The following RPS6KC1 variants were observed in gnomAD, a reference collection of about 807,000 sequenced individuals.
RPS6KC1 encodes the protein inactive ribosomal protein S6 kinase delta-1.
RPS6KC1 carries 54 observed loss-of-function variants against 103.8 expected under a neutral mutation model. The ratio of observed to expected loss-of-function variants is 0.52; its 90% CI spans 0.42 to 0.65. The LOEUF (loss-of-function observed/expected upper bound fraction) is 0.65, where lower values mean the gene tolerates loss of function less well. Ranked by LOEUF, RPS6KC1 falls within the 30% of genes least tolerant of loss-of-function variation. RPS6KC1 has a pLI of 0.00. For missense variants in RPS6KC1, 1,151 were observed against 1,253.8 expected (o/e 0.92, Z 1.24); for synonymous variants, 439 against 438.7 (o/e 1.00, Z -0.01).
chr1:213,332,885 G>T, the RPS6KC1 span, among the ~76,000 whole-genome samples: 1 of 152,114 alleles, frequency 6.6e-6, no homozygotes, highest in Non-Finnish European at 1.5e-5. Flanking sequence ...TCTAACCATG[G>T]CATGGTTAGG....
At chr1:213,444,864 C>A in the RPS6KC1 span, among the ~76,000 whole-genome samples, 1 of 152,020 alleles carries the variant, frequency 6.6e-6, no homozygotes, top group African/African-American at 2.4e-5. Flanking sequence ...ATATAATTCA[C>A]ATACCATAAA....
the RPS6KC1 span, among the ~76,000 whole-genome samples, chr1:213,350,245 C>T: frequency 6.6e-6 from 1 of 152,184 alleles, no homozygotes; most frequent in African/African-American, 2.4e-5. Context: ...GGATGGAAAG[C>T]AAATGAGAGA....
chr1:213,186,491 CTTG>C (rs1319814920), intron 8 of RPS6KC1, among the ~76,000 whole-genome samples: 2 of 152,018 alleles, frequency 1.3e-5, no homozygotes, highest in East Asian at 1.9e-4. Flanking sequence ...CTTCTTTTCT[CTTG>C]TTGTTTTTAG....
chr1:213,587,076 T>A, the RPS6KC1 span, among the ~76,000 whole-genome samples: 1 of 152,204 alleles, frequency 6.6e-6, no homozygotes, highest in East Asian at 1.9e-4. Flanking sequence ...ATTCCGCACC[T>A]TTCACCCATG....
At chr1:213,103,427 T>C (rs556970104) in intron 3 of RPS6KC1, among the ~76,000 whole-genome samples, 21 of 152,322 alleles carry the variant, frequency 1.4e-4, no homozygotes, top group African/African-American at 4.8e-4. Flanking sequence ...ATCCATTTCC[T>C]ACATTTTAAA....
At chr1:213,136,166 C>T (rs1210985235) in intron 6 of RPS6KC1, among the ~76,000 whole-genome samples, 1 of 152,132 alleles carries the variant, frequency 6.6e-6, no homozygotes, top group Non-Finnish European at 1.5e-5. Context: ...TTGATTTTAT[C>T]TTCATGGCAT....
intron 10 of RPS6KC1, among the ~76,000 whole-genome samples, chr1:213,232,480 C>G (rs2094127020): frequency 6.6e-6 from 1 of 152,164 alleles, no homozygotes. Flanking sequence ...ATTTACTTCA[C>G]TACTTACTTT....
chr1:213,476,178 ATCC>A, the RPS6KC1 span, among the ~76,000 whole-genome samples: 3 of 152,182 alleles, frequency 2.0e-5, no homozygotes, highest in Non-Finnish European at 4.4e-5. Flanking sequence ...AACCTCAGGC[ATCC>A]TCCTTGGAGG....
chr1:213,242,759 A>G lies in RPS6KC1; in HGVS notation c.2911+101A>G, dbSNP rs1017823718. On this transcript the variant is annotated intron_variant, in intron 12 of 14. Transcript: ENST00000366960. Reference sequence around the variant, plus strand: ...TTTGTATTGTTCACTAGCAGTTTACATATGTGTTGGATTTGGTTATCTGTT... The same window carrying G: ...TTTGTATTGTTCACTAGCAGTTTACGTATGTGTTGGATTTGGTTATCTGTT... 24 of 903,030 alleles carry G rather than the reference A, an allele frequency of 2.7e-5. No individual in the cohort carries two copies. The African/African-American group carries it at 3.2e-4, about 12-fold the overall frequency. The allele number at this position is 903,030 out of a possible 1,614,324, so 55.9% of individuals were successfully genotyped here. A position where few individuals can be genotyped will look rare whatever the true frequency, so the allele number is the denominator to read the frequency against.
the RPS6KC1 span, among the ~76,000 whole-genome samples, chr1:213,486,942 A>G: frequency 6.6e-6 from 1 of 152,250 alleles, no homozygotes; most frequent in East Asian, 1.9e-4. Context: ...GTTCTAAGGT[A>G]TAATAGAACA....
At chr1:213,467,670 G>T in the RPS6KC1 span, among the ~76,000 whole-genome samples, 2 of 152,176 alleles carry the variant, frequency 1.3e-5, no homozygotes, top group Non-Finnish European at 2.9e-5. Flanking sequence ...GGTAGGATCT[G>T]CTCCCTTCAG....
chr1:213,166,635 A>G (rs1487091000), intron 6 of RPS6KC1, among the ~76,000 whole-genome samples: 2 of 152,196 alleles, frequency 1.3e-5, no homozygotes, highest in African/African-American at 4.8e-5. Flanking sequence ...CACCAAGACC[A>G]GTTATATTTG....
the RPS6KC1 span, among the ~76,000 whole-genome samples, chr1:213,847,225 G>A: frequency 6.6e-6 from 1 of 152,116 alleles, no homozygotes; most frequent in African/African-American, 2.4e-5. Context: ...ATCCCACTTA[G>A]TAGGCACATG....
intron 6 of RPS6KC1, among the ~76,000 whole-genome samples, chr1:213,135,181 T>C (rs895825762): frequency 2.6e-5 from 4 of 152,188 alleles, no homozygotes; most frequent in Non-Finnish European, 5.9e-5. Flanking sequence ...GAAACAATTG[T>C]GCTTTTTTTC....
the RPS6KC1 span, among the ~76,000 whole-genome samples, chr1:213,311,077 G>A: frequency 3.9e-5 from 6 of 152,120 alleles, no homozygotes; most frequent in East Asian, 1.9e-4. Flanking sequence ...AACCAGAGCC[G>A]CTGGGGCTGA....
At chr1:213,559,885 T>C in the RPS6KC1 span, among the ~76,000 whole-genome samples, 1 of 152,216 alleles carries the variant, frequency 6.6e-6, no homozygotes, top group Non-Finnish European at 1.5e-5. Flanking sequence ...TAATGAGATG[T>C]TTTACATACT....
the RPS6KC1 span, among the ~76,000 whole-genome samples, chr1:213,463,643 TCTC>T: frequency 2.0e-5 from 3 of 152,102 alleles, no homozygotes; most frequent in Non-Finnish European, 4.4e-5. Flanking sequence ...CCCAGAATAT[TCTC>T]TGCTAGGTTT....
At chr1:213,340,676 C>T in the RPS6KC1 span, among the ~76,000 whole-genome samples, 6 of 152,262 alleles carry the variant, frequency 3.9e-5, no homozygotes, top group Non-Finnish European at 7.3e-5. Context: ...CCCCCGCCTC[C>T]CTTCACCATG....
chr1:213,433,216 T>C, the RPS6KC1 span, among the ~76,000 whole-genome samples: 1 of 152,320 alleles, frequency 6.6e-6, no homozygotes, highest in South Asian at 2.1e-4. Flanking sequence ...TGCATCTCTC[T>C]GACTTGTCTG....
Sources: allele counts gnomAD v4.1 joint callset (sites outside exome capture counted in the v4.1 genomes callset), GRCh38; gene constraint gnomAD v4.1.1; transcripts MANE v1.5; gene names NCBI Gene and HGNC (gene_info 2026-07-23, HGNC 2026-07-21).